Variants in ZNF385B observed in about 807,000 individuals in gnomAD.
ZNF385B encodes zinc finger protein 385B, also known as zinc finger protein 533.
Under a neutral mutation model 39.2 loss-of-function variants are expected in ZNF385B, and 23 were observed. The ratio of observed to expected loss-of-function variants is 0.59; its 90% CI spans 0.42 to 0.83. The LOEUF (loss-of-function observed/expected upper bound fraction) is 0.83, where lower values mean the gene tolerates loss of function less well. Among genes scored for constraint, ZNF385B ranks in the 40% least tolerant of loss-of-function variants. The pLI, the probability that ZNF385B is intolerant of heterozygous loss-of-function variation, is 0.00. For missense variants in ZNF385B, 552 were observed against 598.9 expected, an observed-to-expected ratio of 0.92 and a Z score of 0.82; for synonymous variants, 205 against 222.6, an observed-to-expected ratio of 0.92 and a Z score of 0.70.
In ZNF385B at chr2:179,449,646, G is replaced by T. The variant is rs563433739; in HGVS notation, c.716-2876C>A. On this transcript the variant is annotated intron_variant, in intron 6 of 9. Coordinates refer to ENST00000410066, the MANE Select transcript of ZNF385B (RefSeq NM_152520.6). ...AACATTCCATGCTCATGGGTAGGAA[G>T]AATCAATATCGTGAAAATGGCCATA... Among the ~76,000 whole-genome samples the T allele has an allele frequency of 5.3e-3, 804 of 152,238 alleles. 9 individuals carry two copies. The highest frequency in any genetic ancestry group is 0.018 in the African/African-American group (749 of 41,548).
chr2:179,800,409 G>A (rs890802267), intron 1 of ZNF385B, among the ~76,000 whole-genome samples: 2 of 151,932 alleles, frequency 1.3e-5, no homozygotes, highest in Non-Finnish European at 2.9e-5. Context: ...TTGCCTATGA[G>A]CTCTGAACAT....
Position 179,731,213 on chromosome 2 carries a change from G to A in ZNF385B, c.298+38290C>T, listed in dbSNP as rs551993834. Among the ~76,000 whole-genome samples, 4 of 152,268 alleles carry A rather than the reference G, an allele frequency of 2.6e-5. No homozygotes were observed. In the East Asian group the frequency reaches 5.8e-4, roughly 22 times the overall value. On this transcript the variant is annotated intron_variant, in intron 3 of 9. Coordinates refer to ENST00000410066, the MANE Select transcript of ZNF385B (RefSeq NM_152520.6). ...TTTTACTTTTTCCCACAATTACCAC[G>A]TTTCTAAGCATTGTGCTATATTCTG...
intron 3 of ZNF385B, among the ~76,000 whole-genome samples, chr2:179,758,392 C>T (rs1341065887): frequency 6.6e-6 from 1 of 152,202 alleles, no homozygotes; most frequent in Non-Finnish European, 1.5e-5. Flanking sequence ...GAAACCAACA[C>T]TGTGTCCTCA....
At chr2:179,831,552 A>T (rs573314898) in intron 1 of ZNF385B, among the ~76,000 whole-genome samples, 2 of 152,206 alleles carry the variant, frequency 1.3e-5, no homozygotes, top group Non-Finnish European at 2.9e-5. Flanking sequence ...GTTTTTAAAA[A>T]ATCTATCTTT....
intron 3 of ZNF385B, among the ~76,000 whole-genome samples, chr2:179,695,889 C>T (rs944594319): frequency 6.6e-6 from 1 of 152,008 alleles, no homozygotes; most frequent in Non-Finnish European, 1.5e-5. Flanking sequence ...CATATGTATA[C>T]AAAATGTGGT....
chr2:179,516,620 T>C (rs1301350072), intron 5 of ZNF385B, among the ~76,000 whole-genome samples: 3 of 152,120 alleles, frequency 2.0e-5, no homozygotes, highest in Admixed American at 2.0e-4. Context: ...CATTTTATCA[T>C]TTATTATTGA....
chr2:179,562,738 T>C (rs1404739948), intron 3 of ZNF385B: 1 of 237,972 alleles, frequency 4.2e-6, no homozygotes, highest in Non-Finnish European at 6.8e-6. Context: ...ACTACCACTC[T>C]GTCATAGTAA....
At chr2:179,776,370 G>A (rs1704316789) in intron 1 of ZNF385B, among the ~76,000 whole-genome samples, 1 of 152,174 alleles carries the variant, frequency 6.6e-6, no homozygotes, top group South Asian at 2.1e-4. Flanking sequence ...TGCTGTGGAA[G>A]GGTAAGCTGA....
chr2:179,738,658 C>T (rs781325755), intron 3 of ZNF385B, among the ~76,000 whole-genome samples: 3 of 152,102 alleles, frequency 2.0e-5, no homozygotes, highest in South Asian at 4.1e-4. Flanking sequence ...ATTAGAATCA[C>T]GTTGGGAGCT....
chr2:179,544,423 C>G (rs950729065), intron 4 of ZNF385B, among the ~76,000 whole-genome samples: 40 of 151,938 alleles, frequency 2.6e-4, no homozygotes, highest in African/African-American at 9.4e-4. Context: ...AATAAAAATG[C>G]AGCCAGAGAG....
chr2:179,737,645 A>C lies in ZNF385B; in HGVS notation c.298+31858T>G, dbSNP rs1467810544. 2.0e-5 allele frequency among the ~76,000 whole-genome samples: 3 copies of C among 152,248 alleles called. No homozygotes were observed. The East Asian group carries it at 5.8e-4, about 29-fold the overall frequency. ...CATGCCAAATCATAAATTCAATTGC[A>C]ACCCCACAGCTTTTACTAGGATAAT... On this transcript the variant is annotated intron_variant, in intron 3 of 9. Transcript: ENST00000410066.
At chr2:179,584,096 A>G (rs1686831497) in intron 3 of ZNF385B, 2 of 484,672 alleles carry the variant, frequency 4.1e-6, no homozygotes, top group Non-Finnish European at 8.1e-6. Context: ...TAAGTAGGTA[A>G]TTACATTAGA....
intron 1 of ZNF385B, among the ~76,000 whole-genome samples, chr2:179,846,414 G>A (rs923419193): frequency 2.0e-5 from 3 of 152,218 alleles, no homozygotes; most frequent in Non-Finnish European, 4.4e-5. Context: ...TAGAAACGGG[G>A]TTGCCCAGGA....
chr2:179,838,851 C>T (rs936148770), intron 1 of ZNF385B, among the ~76,000 whole-genome samples: 2 of 146,414 alleles, frequency 1.4e-5, no homozygotes, highest in Admixed American at 1.4e-4. Flanking sequence ...CTTCAAAATA[C>T]AAGTTTTGCT....
intron 3 of ZNF385B, among the ~76,000 whole-genome samples, chr2:179,696,951 ACAGACAGAAGCTCACAG>A (rs1698813487): frequency 6.6e-6 from 1 of 152,200 alleles, no homozygotes; most frequent in South Asian, 2.1e-4. Flanking sequence ...TGGCATGGTC[ACAGACAGAAGCTCACAG>A]CAAGGACCAG....
chr2:179,746,162 T>G (rs1227223369), intron 3 of ZNF385B: 2 of 389,852 alleles, frequency 5.1e-6, no homozygotes, highest in Non-Finnish European at 3.5e-6. Context: ...AGGATGTGAT[T>G]ATGAAAGTCT....
intron 4 of ZNF385B, among the ~76,000 whole-genome samples, chr2:179,524,409 G>A (rs1230309435): frequency 1.3e-5 from 2 of 151,464 alleles, no homozygotes; most frequent in East Asian, 1.9e-4. Context: ...AAAATTAGCC[G>A]GGCGTGGTGG....
intron 3 of ZNF385B, among the ~76,000 whole-genome samples, chr2:179,702,100 T>C (rs1699251986): frequency 6.6e-6 from 1 of 152,196 alleles, no homozygotes; most frequent in South Asian, 2.1e-4. Flanking sequence ...GATGTATACA[T>C]ATGTAACAAA....
rs532748862 is a variant in ZNF385B, at chr2:179,583,275, C to G, written c.299-38306G>C. On this transcript the variant is annotated intron_variant, in intron 3 of 9. Coordinates refer to ENST00000410066, the MANE Select transcript of ZNF385B (RefSeq NM_152520.6). ...GACTCTGAGGAGTCATCAAAGCAAT[C>G]CTGTATTTCAGACCTCCAGACTTCT... 1.0e-3 allele frequency among the ~76,000 whole-genome samples: 157 copies of G among 152,152 alleles called. 1 individual carries two copies. Among genetic ancestry groups the G allele is most frequent in the Middle Eastern group, 3.4e-3 (1 of 294 alleles).
Sources: gnomAD v4.1 joint callset for allele counts (sites outside exome capture counted in the v4.1 genomes callset) on GRCh38, gnomAD v4.1.1 for gene constraint, MANE v1.5 for transcripts, NCBI Gene and HGNC (gene_info 2026-07-23, HGNC 2026-07-21) for gene names.